CFAP52: variants seen among roughly 807,000 people sequenced by gnomAD.
The protein encoded by CFAP52 is cilia and flagella associated protein 52.
In CFAP52, 57 loss-of-function variants were observed where a neutral mutation model predicts 70.5. That is an observed-to-expected ratio of 0.81 (90% CI 0.65 to 1.01). CFAP52 has a LOEUF of 1.01. Among genes scored for constraint, CFAP52 ranks in the 50% least tolerant of loss-of-function variants. The probability of loss-of-function intolerance (pLI) is 0.00; values close to 1 mark genes in which losing one functional copy is unlikely to be tolerated. For missense variants in CFAP52, 785 were observed against 788.5 expected (o/e 1.00, Z 0.05); for synonymous variants, 267 against 292.5 (o/e 0.91, Z 0.89).
intron 6 of CFAP52, among the ~76,000 whole-genome samples, chr17:9,606,597 G>A (rs1909499239): frequency 6.6e-6 from 1 of 152,184 alleles, no homozygotes. Flanking sequence ...GCAAGTAATA[G>A]AGCTGAGATT....
At chr17:9,639,885 G>C (rs1247003492) in intron 12 of CFAP52, among the ~76,000 whole-genome samples, 1 of 152,164 alleles carries the variant, frequency 6.6e-6, no homozygotes, top group South Asian at 2.1e-4. Context: ...CCAGGAGAGT[G>C]TCAATTTGGC....
downstream of CFAP52, among the ~76,000 whole-genome samples, chr17:9,643,863 A>G (rs1911200965): frequency 1.3e-5 from 2 of 152,230 alleles, no homozygotes; most frequent in South Asian, 2.1e-4. Context: ...GGAGTTGGCC[A>G]TTACATCTTT....
At chr17:9,599,484 T>C (rs1428042942) in intron 5 of CFAP52, among the ~76,000 whole-genome samples, 1 of 152,174 alleles carries the variant, frequency 6.6e-6, no homozygotes. Flanking sequence ...TGGCAGAGGA[T>C]GCCTATTAAC....
chr17:9,627,561 T>C (rs1446833586), intron 8 of CFAP52, among the ~76,000 whole-genome samples: 1 of 150,914 alleles, frequency 6.6e-6, no homozygotes, highest in Non-Finnish European at 1.5e-5. Flanking sequence ...CAGGAAAGGG[T>C]TTGTTTATTC....
intron 4 of CFAP52, among the ~76,000 whole-genome samples, chr17:9,596,060 T>TGTGTGTGA (rs1491145004): frequency 1.8e-5 from 1 of 55,886 alleles, no homozygotes; most frequent in Non-Finnish European, 2.9e-5. Context: ...TATGTGTGTG[T>TGTGTGTGA]ATATATATAT....
intron 7 of CFAP52, among the ~76,000 whole-genome samples, chr17:9,610,133 A>C (rs1271265403): frequency 2.0e-5 from 3 of 152,164 alleles, no homozygotes; most frequent in African/African-American, 7.2e-5. Context: ...TAAAATAGCA[A>C]CAATCAGGAG....
intron 6 of CFAP52, among the ~76,000 whole-genome samples, chr17:9,604,916 G>A (rs1287288262): frequency 2.6e-5 from 4 of 152,042 alleles, no homozygotes; most frequent in Non-Finnish European, 4.4e-5. Context: ...CTTTTCAAAT[G>A]GCCAAAATCC....
chr17:9,589,942 TCTC>T (rs1276800988), intron 3 of CFAP52: 2 of 154,886 alleles, frequency 1.3e-5, no homozygotes, highest in African/African-American at 4.8e-5. Context: ...GTCTTGATCT[TCTC>T]CTTCTTGGCC....
intron 12 of CFAP52, 145 bp downstream of exon 12, chr17:9,638,856 G>C: frequency 2.8e-6 from 2 of 706,466 alleles, no homozygotes; most frequent in Non-Finnish European, 4.8e-6. Flanking sequence ...CTTTGGAAAG[G>C]CCATATCACC....
intron 9 of CFAP52, among the ~76,000 whole-genome samples, chr17:9,630,918 G>A (rs551830944): frequency 6.7e-6 from 1 of 149,096 alleles, no homozygotes; most frequent in East Asian, 2.1e-4. Flanking sequence ...CCCGGGAGGT[G>A]GAGGTTGCAG....
chr17:9,588,065 C>T (rs1374714956), intron 3 of CFAP52, among the ~76,000 whole-genome samples: 1 of 152,116 alleles, frequency 6.6e-6, no homozygotes, highest in East Asian at 1.9e-4. Context: ...ACACAAGTGG[C>T]CAGAGTGAGC....
intron 7 of CFAP52, 110 bp downstream of exon 7, chr17:9,608,329 T>G: frequency 2.3e-6 from 2 of 874,968 alleles, no homozygotes; most frequent in South Asian, 5.9e-5. Context: ...GTTAAAAAAT[T>G]TCATCTTGCT....
At chr17:9,612,548 T>G in intron 8 of CFAP52, 69 bp downstream of exon 8, 1 of 1,502,480 alleles carries the variant, frequency 6.7e-7, no homozygotes, top group Non-Finnish European at 9.0e-7. Flanking sequence ...ATTTTATGAA[T>G]GCATTTTCAA....
chr17:9,616,137 T>TGC, intron 8 of CFAP52, among the ~76,000 whole-genome samples: 1 of 149,310 alleles, frequency 6.7e-6, no homozygotes. Flanking sequence ...GGCCAGTGTG[T>TGC]GCGCGCACCG....
Position 9,586,655 on chromosome 17 carries a change from T to G in CFAP52, c.271-43T>G, listed in dbSNP as rs774556937. On this transcript the variant is annotated intron_variant, in intron 2 of 13. Coordinates refer to ENST00000352665, the MANE Select transcript of CFAP52 (RefSeq NM_145054.5). ...AAGGGTAGCTATCTCCTCAGATGCT[T>G]TTAATGCCTCCCTATGATCTGACGG... 2.6e-6 allele frequency: 4 copies of G among 1,555,854 alleles called. No individual in the cohort carries two copies. In the African/African-American group the frequency reaches 5.6e-5, roughly 22 times the overall value.
At chr17:9,576,853 C>T in intron 1 of CFAP52, 88 bp downstream of exon 1, 1 of 1,390,310 alleles carries the variant, frequency 7.2e-7, no homozygotes, top group Non-Finnish European at 9.7e-7. Flanking sequence ...CCGGGGACAC[C>T]TGAAAGGCAG....
At chr17:9,585,458 G>A (rs571033870) in intron 1 of CFAP52, among the ~76,000 whole-genome samples, 1 of 152,180 alleles carries the variant, frequency 6.6e-6, no homozygotes, top group South Asian at 2.1e-4. Context: ...CACGAGGTCA[G>A]CAGTTCAAGA....
At chr17:9,578,703 G>C (rs537601191) in intron 1 of CFAP52, among the ~76,000 whole-genome samples, 4 of 151,960 alleles carry the variant, frequency 2.6e-5, no homozygotes, top group Non-Finnish European at 1.5e-5. Context: ...CCACCACCAC[G>C]CCTGGCTAAT....
chr17:9,585,478 C>A (rs893991046), intron 1 of CFAP52, among the ~76,000 whole-genome samples: 2 of 152,078 alleles, frequency 1.3e-5, no homozygotes, highest in South Asian at 2.1e-4. Context: ...ACCAGCCTGA[C>A]CAACATGGTG....
Sources: gnomAD v4.1 joint callset for allele counts (sites outside exome capture counted in the v4.1 genomes callset) on GRCh38, gnomAD v4.1.1 for gene constraint, MANE v1.5 for transcripts, NCBI Gene and HGNC (gene_info 2026-07-23, HGNC 2026-07-21) for gene names.